IL18BP: variants seen among roughly 807,000 people sequenced by gnomAD.
IL18BP encodes interleukin-18-binding protein.
A neutral mutation model predicts 19.9 loss-of-function variants in IL18BP; 23 were observed. The observed-to-expected ratio is 1.15, with a 90% CI of 0.83 to 1.64. The LOEUF (loss-of-function observed/expected upper bound fraction) is 1.64. Ranked by LOEUF, IL18BP falls within the 40% of genes most tolerant of loss-of-function variation. The pLI is 0.00. For synonymous variants in IL18BP, 107 were observed against 101.0 expected, an observed-to-expected ratio of 1.06 and a Z score of -0.35; for missense variants, 239 against 240.7, an observed-to-expected ratio of 0.99 and a Z score of 0.05.
chr11:72,005,608 C>T, downstream of IL18BP: 4 of 541,400 alleles, frequency 7.4e-6, no homozygotes, highest in South Asian at 7.7e-5. Context: ...ACTGCTACTA[C>T]ATCTTACTCA....
rs1955279520 is a variant in IL18BP, at chr11:72,002,011, A to T, written c.*150A>T. 8.7e-7 allele frequency: 1 copy of T among 1,149,444 alleles called. No homozygotes were observed. Among genetic ancestry groups the T allele is most frequent in the South Asian group, 1.6e-5 (1 of 64,440 alleles). The allele number at this position is 1,149,444 out of a possible 1,614,324, so 71.2% of individuals were successfully genotyped here. The stretch of plus-strand genomic sequence containing the variant: ...CTGCTTTGGGTCCCTTCTCTCACCA[A>T]ATTCAAACTCCATTCCCACCTACCT... On this transcript the variant is annotated 3_prime_UTR_variant, in exon 6 of 6. Coordinates refer to ENST00000393703, the MANE Select transcript of IL18BP (RefSeq NM_001039660.2).
chr11:72,003,557 C>T, downstream of IL18BP: 1 of 1,614,178 alleles, frequency 6.2e-7, no homozygotes, highest in Non-Finnish European at 8.5e-7. Flanking sequence ...GACACAGTCA[C>T]ATGGCCAGAT....
At chr11:72,001,761 C>T (rs767124598) in intron 5 of IL18BP, 23 bp from the exon 6 acceptor site, 1 of 1,614,094 alleles carries the variant, frequency 6.2e-7, no homozygotes, top group Non-Finnish European at 8.5e-7. Context: ...TGGCCTGATC[C>T]TTGTCTGCCT....
downstream of IL18BP, chr11:72,006,156 T>G (rs762619364): frequency 1.2e-6 from 2 of 1,614,168 alleles, no homozygotes; most frequent in Non-Finnish European, 1.7e-6. Flanking sequence ...CCAGGCGAGC[T>G]AGAGACTGAG....
chr11:72,006,869 G>A (rs1955755170), downstream of IL18BP, among the ~76,000 whole-genome samples: 1 of 152,236 alleles, frequency 6.6e-6, no homozygotes, highest in Admixed American at 6.5e-5. Flanking sequence ...ATGCCTCTCA[G>A]CTGCATGGGG....
At chr11:72,007,147 G>A (rs772816272), downstream of IL18BP, 6 of 1,597,146 alleles carry the variant, frequency 3.8e-6, no homozygotes, top group Non-Finnish European at 4.2e-6. Flanking sequence ...TTGAGAGGAA[G>A]TGGGAATTGC....
chr11:72,003,392 G>A, downstream of IL18BP: 1 of 863,110 alleles, frequency 1.2e-6, no homozygotes, highest in Non-Finnish European at 2.0e-6. Context: ...GGTGCGGGCA[G>A]GCATCACTGT....
chr11:72,006,090 G>A (rs1422727879), downstream of IL18BP: 1 of 1,614,044 alleles, frequency 6.2e-7, no homozygotes, highest in Non-Finnish European at 8.5e-7. Context: ...AACTGCGAGT[G>A]GTGGGGCGGT....
chr11:72,003,062 C>T, downstream of IL18BP: 1 of 240,272 alleles, frequency 4.2e-6, no homozygotes, highest in Non-Finnish European at 8.2e-6. Flanking sequence ...AAAGAGCATC[C>T]TCTGGCAGGT....
chr11:72,004,481 T>C, downstream of IL18BP: 1 of 1,207,062 alleles, frequency 8.3e-7, no homozygotes, highest in Non-Finnish European at 1.2e-6. Context: ...GCCAGATCCT[T>C]CCCTTCCCAA....
At chr11:72,008,154 A>G (rs1288904880), downstream of IL18BP, 1 of 478,092 alleles carries the variant, frequency 2.1e-6, no homozygotes, top group South Asian at 1.5e-5. Flanking sequence ...GTCTAGCACA[A>G]AATAAGTAAA....
At chr11:72,005,628 G>C, downstream of IL18BP, 1 of 522,836 alleles carries the variant, frequency 1.9e-6, no homozygotes, top group Non-Finnish European at 3.3e-6. Flanking sequence ...ACCTGCCAAG[G>C]CTTGGTGGCC....
At chr11:72,008,112 C>T, downstream of IL18BP, 1 of 479,422 alleles carries the variant, frequency 2.1e-6, no homozygotes, top group Middle Eastern at 3.1e-4. Flanking sequence ...TGTTGGGGGA[C>T]AAATCAGGTA....
rs773698241 is a variant in IL18BP at position 72,000,545 on chromosome 11, G to A, written c.223G>A (p.Glu75Lys). 2 of 1,611,002 alleles carry A rather than the reference G, an allele frequency of 1.2e-6. No individual in the cohort carries two copies. Among genetic ancestry groups the A allele is most frequent in the East Asian group, 2.2e-5 (1 of 44,880 alleles). ...ATTGGAAGTGACCTGGCCAGAGGTG[G>A]AAGTGCCACTGAGTAAGAAGCACAG... Reference protein sequence around the residue: ...PALEVTWPEVEVPLNGTLSLS... With the variant: ...PALEVTWPEVKVPLNGTLSLS... Residue 75 changes from glutamate (E) to lysine (K), a missense_variant, in exon 3 of 6, where the codon GAA becomes AAA. Glu to Lys is a moderately conservative substitution (Grantham distance 56). Transcript: ENST00000393703.
downstream of IL18BP, chr11:72,004,052 C>T (rs773448986): frequency 2.5e-6 from 4 of 1,613,650 alleles, no homozygotes; most frequent in Non-Finnish European, 3.4e-6. Context: ...TCCCTAGCTT[C>T]TTGGGTGTGT....
chr11:71,999,046 C>T (rs777574636), intron 1 of IL18BP, 27 bp downstream of exon 1: 1 of 445,364 alleles, frequency 2.2e-6, no homozygotes, highest in Non-Finnish European at 4.4e-6. Flanking sequence ...ACTAGTGAAC[C>T]TAGACCTGTG....
downstream of IL18BP, chr11:72,003,471 A>C: frequency 4.5e-6 from 7 of 1,561,650 alleles, no homozygotes; most frequent in Non-Finnish European, 6.2e-6. Flanking sequence ...TAGGCGGAGG[A>C]CCAGGTGAGG....
downstream of IL18BP, chr11:72,004,498 C>G (rs1955536876): frequency 2.5e-6 from 3 of 1,219,978 alleles, no homozygotes; most frequent in African/African-American, 1.5e-5. Context: ...CCAACAGTTC[C>G]CATCCATGGG....
rs758830542 is a variant in IL18BP, at chr11:72,000,007, C to A, written c.23C>A (p.Thr8Lys). 10 of 1,613,934 alleles carry A rather than the reference C, an allele frequency of 6.2e-6. No individual in the cohort carries two copies. The highest frequency in any genetic ancestry group is 5.0e-5 in the Admixed American group (3 of 60,012). ...ATCATGACCATGAGACACAACTGGA[C>A]ACCAGGTAGGCCTTGGGGCTACGCA... MTMRHNW[T>K]PDLSPLWVLL... The change falls in exon 2 of 6, where the codon ACA becomes AAA. Residue 8 changes from threonine to lysine, a missense_variant. Coordinates refer to ENST00000393703, the MANE Select transcript of IL18BP (RefSeq NM_001039660.2).
Sources: gnomAD v4.1 joint callset for allele counts (sites outside exome capture counted in the v4.1 genomes callset) on GRCh38, gnomAD v4.1.1 for gene constraint, MANE v1.5 for transcripts, NCBI Gene and HGNC (gene_info 2026-07-23, HGNC 2026-07-21) for gene names.